Variants in SDCCAG8 observed in about 807,000 individuals in gnomAD.
The protein encoded by SDCCAG8 is SHH signaling and ciliogenesis regulator SDCCAG8.
Under a neutral mutation model 101.8 loss-of-function variants are expected in SDCCAG8, and 74 were observed. The ratio of observed to expected loss-of-function variants is 0.73; its 90% CI spans 0.60 to 0.88. The LOEUF (loss-of-function observed/expected upper bound fraction) is 0.88. Among genes scored for constraint, SDCCAG8 ranks in the 40% least tolerant of loss-of-function variants. The pLI is 0.00. For missense variants in SDCCAG8, 787 were observed against 822.6 expected (o/e 0.96, Z 0.53); for synonymous variants, 281 against 292.9 (o/e 0.96, Z 0.41).
intron 9 of SDCCAG8, among the ~76,000 whole-genome samples, chr1:243,327,555 A>G (rs1176105199): frequency 6.6e-6 from 1 of 151,510 alleles, no homozygotes; most frequent in Non-Finnish European, 1.5e-5. Context: ...TAAAATTATA[A>G]TCATTTGATG....
chr1:243,302,685 G>A (rs557616820), intron 6 of SDCCAG8, among the ~76,000 whole-genome samples: 5 of 152,256 alleles, frequency 3.3e-5, no homozygotes, highest in East Asian at 1.9e-4. Flanking sequence ...CTCTGGCCAC[G>A]CAGAACCCCA....
chr1:243,288,149 G>A (rs111964410), intron 5 of SDCCAG8, among the ~76,000 whole-genome samples: 15 of 152,072 alleles, frequency 9.9e-5, no homozygotes, highest in African/African-American at 3.1e-4. Flanking sequence ...TTACCCCCAC[G>A]TTTTACCTGT....
chr1:243,455,040 C>T (rs1191055598), intron 16 of SDCCAG8, among the ~76,000 whole-genome samples: 1 of 152,102 alleles, frequency 6.6e-6, no homozygotes. Flanking sequence ...AAATTATATA[C>T]ACTACTTATG....
chr1:243,287,146 T>A (rs2069701555), intron 5 of SDCCAG8, among the ~76,000 whole-genome samples: 1 of 152,242 alleles, frequency 6.6e-6, no homozygotes, highest in Non-Finnish European at 1.5e-5. Context: ...TGGTGACATT[T>A]AAATAGTGCT....
At chr1:243,471,401 C>T (rs376123188) in intron 16 of SDCCAG8, among the ~76,000 whole-genome samples, 22 of 152,292 alleles carry the variant, frequency 1.4e-4, no homozygotes, top group African/African-American at 4.6e-4. Flanking sequence ...AGACTTGACT[C>T]GGAACTTTTC....
chr1:243,260,535 C>T (rs2067122522), intron 1 of SDCCAG8, among the ~76,000 whole-genome samples: 1 of 152,160 alleles, frequency 6.6e-6, no homozygotes, highest in African/African-American at 2.4e-5. Context: ...ATTTTAAGTA[C>T]TGCACACTTG....
intron 12 of SDCCAG8, among the ~76,000 whole-genome samples, chr1:243,356,423 G>GT: frequency 6.6e-6 from 1 of 150,738 alleles, no homozygotes; most frequent in Non-Finnish European, 1.5e-5. Flanking sequence ...GTAGTGGCGG[G>GT]GGGGTGGTGG....
intron 9 of SDCCAG8, among the ~76,000 whole-genome samples, chr1:243,319,198 A>G (rs1276450413): frequency 6.6e-6 from 1 of 152,004 alleles, no homozygotes; most frequent in Admixed American, 6.6e-5. Flanking sequence ...AACACCTCCC[A>G]CCAGGCCCCA....
chr1:243,289,455 A>G (rs902346178), intron 5 of SDCCAG8, among the ~76,000 whole-genome samples: 2 of 152,204 alleles, frequency 1.3e-5, no homozygotes, highest in Admixed American at 1.3e-4. Context: ...GCATCCTTCA[A>G]TCCAGTTAAG....
At chr1:243,370,212 A>G (rs1192419297) in intron 12 of SDCCAG8, among the ~76,000 whole-genome samples, 1 of 152,070 alleles carries the variant, frequency 6.6e-6, no homozygotes, top group African/African-American at 2.4e-5. Flanking sequence ...ATGTATGCAA[A>G]TATGTCAGCA....
At chr1:243,408,012 A>T (rs763302547) in intron 13 of SDCCAG8, among the ~76,000 whole-genome samples, 2 of 152,206 alleles carry the variant, frequency 1.3e-5, no homozygotes, top group African/African-American at 4.8e-5. Context: ...GGAAGACATC[A>T]TGCTGTCTAC....
chr1:243,471,617 G>A (rs1050199011), intron 16 of SDCCAG8, among the ~76,000 whole-genome samples: 2 of 152,102 alleles, frequency 1.3e-5, no homozygotes, highest in African/African-American at 2.4e-5. Context: ...AGGGGTTGGG[G>A]GGTGGAGGGA....
intron 2 of SDCCAG8, 47 bp downstream of exon 2, chr1:243,270,304 T>C: frequency 1.3e-6 from 2 of 1,541,284 alleles, no homozygotes; most frequent in Non-Finnish European, 1.8e-6. Flanking sequence ...TAGTGAATTT[T>C]TTAAACTCCG....
chr1:243,494,764 T>G (rs929858389), intron 17 of SDCCAG8, among the ~76,000 whole-genome samples: 9 of 152,212 alleles, frequency 5.9e-5, no homozygotes, highest in Non-Finnish European at 1.2e-4. Context: ...ACATTACATT[T>G]CACAATATAA....
intron 17 of SDCCAG8, among the ~76,000 whole-genome samples, chr1:243,492,487 A>G (rs1326288686): frequency 6.6e-6 from 1 of 150,858 alleles, no homozygotes; most frequent in Non-Finnish European, 1.5e-5. Context: ...TATTTTTAAT[A>G]GAAACGGGGT....
At position 243,365,249 on chromosome 1, in the gene SDCCAG8, G is replaced by A. The variant is rs554506904; in HGVS notation, c.1474-13472G>A. ...ACTGAGGTGTCTTGTGTCCCTAACT[G>A]CATGTTTTTTTCCTAAAGGCCTATT... is the stretch of plus-strand genomic sequence containing the variant. On this transcript the variant is annotated intron_variant, in intron 12 of 17. Coordinates refer to ENST00000366541, the MANE Select transcript of SDCCAG8 (RefSeq NM_006642.5). Among the ~76,000 whole-genome samples the A allele has an allele frequency of 1.7e-3, 259 of 152,136 alleles. 1 individual carries two copies. Among genetic ancestry groups the A allele is most frequent in the African/African-American group, 6.0e-3 (250 of 41,510 alleles).
intron 9 of SDCCAG8, among the ~76,000 whole-genome samples, chr1:243,321,882 CAA>C (rs1454106800): frequency 9.8e-5 from 15 of 152,352 alleles, no homozygotes; most frequent in African/African-American, 3.6e-4. Flanking sequence ...CTCCTGACCT[CAA>C]GTGATCCACC....
chr1:243,355,353 C>A (rs2076325245), intron 12 of SDCCAG8, among the ~76,000 whole-genome samples: 1 of 150,860 alleles, frequency 6.6e-6, no homozygotes, highest in Admixed American at 6.6e-5. Flanking sequence ...TGTCCCCTAC[C>A]CTCTCTCCAT....
chr1:243,478,733 C>T (rs888772425), intron 16 of SDCCAG8, among the ~76,000 whole-genome samples: 6 of 152,096 alleles, frequency 3.9e-5, no homozygotes, highest in African/African-American at 7.2e-5. Context: ...CTGAGGTGGG[C>T]GGATCATGAG....
Sources: gnomAD v4.1 joint callset for allele counts (sites outside exome capture counted in the v4.1 genomes callset) on GRCh38, gnomAD v4.1.1 for gene constraint, MANE v1.5 for transcripts, NCBI Gene and HGNC (gene_info 2026-07-23, HGNC 2026-07-21) for gene names.